The following TRIM16 variants were observed in gnomAD, a reference collection of about 807,000 sequenced individuals.
TRIM16 encodes the protein tripartite motif-containing protein 16.
In TRIM16, 33 loss-of-function variants were observed where a neutral mutation model predicts 50.4. The ratio of observed to expected loss-of-function variants is 0.65; its 90% CI spans 0.50 to 0.88. TRIM16 has a LOEUF of 0.88. TRIM16 is among the 40% of genes least tolerant of loss of function. The pLI is 0.00. For missense variants in TRIM16, 581 were observed against 686.8 expected, an observed-to-expected ratio of 0.85 and a Z score of 1.72; for synonymous variants, 229 against 270.7, an observed-to-expected ratio of 0.85 and a Z score of 1.51.
chr17:15,679,697 G>A (rs1381314448), intron 4 of TRIM16, among the ~76,000 whole-genome samples: 2 of 152,188 alleles, frequency 1.3e-5, no homozygotes, highest in East Asian at 1.9e-4. Context: ...CAGCACTTTG[G>A]GAGGCCGAGG....
At chr17:15,665,375 GGTGGGTGCCTGTA>G (rs1301790627) in intron 6 of TRIM16, among the ~76,000 whole-genome samples, 1 of 152,190 alleles carries the variant, frequency 6.6e-6, no homozygotes, top group Non-Finnish European at 1.5e-5. Context: ...CGGGCATGGT[GGTGGGTGCCTGTA>G]GTCCCAGCTA....
At chr17:15,652,134 A>G (rs1040021802) in intron 6 of TRIM16, 188 bp from the exon 7 acceptor site, 4 of 195,366 alleles carry the variant, frequency 2.0e-5, no homozygotes. Flanking sequence ...AATAGGATGC[A>G]TGTTTCTTTT....
rs1262822928 is a variant in TRIM16 at position 15,677,293 on chromosome 17, A to G, written c.-442-13T>C. On this transcript the variant is annotated splice_polypyrimidine_tract_variant and intron_variant, in intron 5 of 11. Transcript: ENST00000649191. ...AATGGAAATCCTACTGAAGAGATACAAACAGAATGTAATTTTAAGTTCAAA... is the reference window on the plus strand; with the variant it reads ...AATGGAAATCCTACTGAAGAGATACGAACAGAATGTAATTTTAAGTTCAAA... 1 of 985,090 alleles carries G rather than the reference A, an allele frequency of 1.0e-6. No individual in the cohort carries two copies. 61.0% of individuals were successfully genotyped at this position (985,090 alleles called of 1,614,324 possible).
Position 15,679,936 on chromosome 17 carries a change from C to CAA in TRIM16, c.-590+927_-590+928dup, listed in dbSNP as rs56845789. On this transcript the variant is annotated intron_variant, in intron 4 of 11. Coordinates refer to ENST00000649191, the MANE Select transcript of TRIM16 (RefSeq NM_001348119.1). ...TGGGCGAGAGAGCGAGACTATGTCTCAAAAAAAAAAAAAAAGAAAAAAAGA... is the reference window on the plus strand; with the variant it reads ...TGGGCGAGAGAGCGAGACTATGTCTCAAAAAAAAAAAAAAAAAGAAAAAAAGA... Among the ~76,000 whole-genome samples the CAA allele has an allele frequency of 1.1e-3, 142 of 128,484 alleles. 1 individual carries two copies. Among genetic ancestry groups the CAA allele is most frequent in the South Asian group, 1.7e-3 (7 of 4,060 alleles). 84.3% of individuals were successfully genotyped at this position (128,484 alleles called of 152,430 possible).
intron 8 of TRIM16, among the ~76,000 whole-genome samples, chr17:15,641,308 G>C (rs1206910354): frequency 6.7e-6 from 1 of 148,878 alleles, no homozygotes; most frequent in Non-Finnish European, 1.5e-5. Flanking sequence ...TTAAAGATTT[G>C]AGGATGGTGT....
intron 9 of TRIM16, among the ~76,000 whole-genome samples, chr17:15,633,788 C>T (rs1320207027): frequency 1.3e-5 from 2 of 150,890 alleles, no homozygotes; most frequent in Non-Finnish European, 3.0e-5. Flanking sequence ...GATCTGCCGG[C>T]CATGGCCTCC....
intron 7 of TRIM16, among the ~76,000 whole-genome samples, chr17:15,644,272 G>C (rs961634504): frequency 8.6e-5 from 13 of 152,022 alleles, no homozygotes; most frequent in African/African-American, 2.9e-4. Flanking sequence ...TGCAACCTCT[G>C]TCTCCTGGGT....
intron 9 of TRIM16, chr17:15,632,892 A>G (rs1986505912): frequency 1.9e-6 from 1 of 525,414 alleles, no homozygotes; most frequent in Admixed American, 3.6e-5. Context: ...TTTAAAAAAA[A>G]CAAGTGAGAA....
chr17:15,683,486 G>C (rs991378057), intron 1 of TRIM16: 1 of 186,132 alleles, frequency 5.4e-6, no homozygotes, highest in Non-Finnish European at 1.1e-5. Flanking sequence ...TTTCCACTAT[G>C]TGCTAGTTGG....
At chr17:15,632,473 C>A (rs1203957742) in intron 10 of TRIM16, 36 bp downstream of exon 10, 2 of 1,570,544 alleles carry the variant, frequency 1.3e-6, no homozygotes, top group South Asian at 2.4e-5. Context: ...GCTAGAGACA[C>A]ACTCACTATA....
chr17:15,676,687 G>A (rs1325465017), intron 6 of TRIM16, among the ~76,000 whole-genome samples: 3 of 151,906 alleles, frequency 2.0e-5, no homozygotes, highest in Non-Finnish European at 2.9e-5. Flanking sequence ...CGCCCGCCTC[G>A]GCCTCCCAAA....
chr17:15,637,792 T>G (rs1986903821), intron 8 of TRIM16, among the ~76,000 whole-genome samples: 1 of 122,990 alleles, frequency 8.1e-6, no homozygotes, highest in African/African-American at 3.1e-5. Flanking sequence ...AATGGCGGCT[T>G]TGTGGAATAG....
rs767519631 is a variant in TRIM16 at position 15,651,278 on chromosome 17, T to A, written c.332A>T (p.Asn111Ile). The A allele has an allele frequency of 1.9e-6, 3 of 1,614,222 alleles. No homozygotes were observed. Among genetic ancestry groups the A allele is most frequent in the Non-Finnish European group, 2.5e-6 (3 of 1,180,042 alleles). The change falls in exon 7 of 12, where the codon AAC (asparagine) becomes ATC (isoleucine). Residue 111 changes from asparagine (N) to isoleucine (I), a missense_variant. Around this residue, in one of 3 missense-constraint regions of TRIM16, gnomAD observed 450 missense variants for 544.3 expected, o/e 0.83. Coordinates refer to ENST00000649191, the MANE Select transcript of TRIM16 (RefSeq NM_001348119.1). ...CEEHLQPHQV[N>I]IKLQSHLLTE... ...CAGCAGGTGGCTTTGCAGTTTGATG[T>A]TCACCTGATGCGGCTGCAAGTGCTC...
At chr17:15,671,827 T>C (rs1288171626) in intron 6 of TRIM16, among the ~76,000 whole-genome samples, 1 of 152,170 alleles carries the variant, frequency 6.6e-6, no homozygotes, top group Admixed American at 6.5e-5. Context: ...GCAGCACTGG[T>C]ATTCAGAGGA....
rs1207966314 is a variant in TRIM16, at chr17:15,632,663, C to T, written c.861G>A (p.Lys287=). 6.3e-6 allele frequency: 10 copies of T among 1,598,412 alleles called. No homozygotes were observed. The change falls in exon 10 of 12, where the codon AAG becomes AAA. Residue 287 remains lysine, a synonymous_variant. Transcript: ENST00000649191. ...NTVQFLEEYC[K]FKNTEDITFP... ...AGGTGATGTCTTCAGTGTTCTTAAA[C>T]TTGCAGTACTCCTGCAGAAAAGGAA...
rs1399068661 is a variant in TRIM16, at chr17:15,639,433, A to C, written c.616-3164T>G. On this transcript the variant is annotated intron_variant, in intron 8 of 11. Coordinates refer to ENST00000649191, the MANE Select transcript of TRIM16 (RefSeq NM_001348119.1). The stretch of plus-strand genomic sequence containing the variant: ...AGGTAGCTGGACAGAGCTGGGAGCA[A>C]AGAAGCTGTGGTAACAGGATTAAGG... Among the ~76,000 whole-genome samples the C allele has an allele frequency of 2.0e-5, 3 of 148,222 alleles. 1 individual carries two copies. Among genetic ancestry groups the C allele is most frequent in the African/African-American group, 7.6e-5 (3 of 39,612 alleles).
intron 8 of TRIM16, among the ~76,000 whole-genome samples, chr17:15,637,130 A>G (rs1597609299): frequency 3.2e-5 from 3 of 92,866 alleles, no homozygotes; most frequent in Non-Finnish European, 4.6e-5. Context: ...GGGGGGGGTC[A>G]GCCCCCCGCC....
At chr17:15,639,602 G>T (rs151194528) in intron 8 of TRIM16, among the ~76,000 whole-genome samples, 1 of 148,676 alleles carries the variant, frequency 6.7e-6, no homozygotes, top group Admixed American at 6.6e-5. Flanking sequence ...GGCTCCCTCC[G>T]GAGCCCTGTT....
chr17:15,670,487 T>A (rs1231554175), intron 6 of TRIM16, among the ~76,000 whole-genome samples: 1 of 152,218 alleles, frequency 6.6e-6, no homozygotes, highest in East Asian at 1.9e-4. Flanking sequence ...CTTTTTTTTA[T>A]GCAGGGTTGG....
Sources: allele counts gnomAD v4.1 joint callset (sites outside exome capture counted in the v4.1 genomes callset), GRCh38; gene constraint gnomAD v4.1.1; regional missense constraint gnomAD v4.1.1; transcripts MANE v1.5; gene names NCBI Gene and HGNC (gene_info 2026-07-23, HGNC 2026-07-21).